RASSF3: variants seen among roughly 807,000 people sequenced by gnomAD.
The protein encoded by RASSF3 is Ras association domain family member 3.
In RASSF3, 19 loss-of-function variants were observed where a neutral mutation model predicts 19.9. The observed-to-expected ratio is 0.96, with a 90% CI of 0.67 to 1.40. RASSF3 has a LOEUF of 1.40. RASSF3 is among the 40% of genes most tolerant of loss of function. The pLI, the probability that RASSF3 is intolerant of heterozygous loss-of-function variation, is 0.00. For synonymous variants in RASSF3, 110 were observed against 104.2 expected, an observed-to-expected ratio of 1.06 and a Z score of -0.34; for missense variants, 306 against 289.8, an observed-to-expected ratio of 1.06 and a Z score of -0.41.
At chr12:64,671,632 C>T (rs866962235) in intron 1 of RASSF3, among the ~76,000 whole-genome samples, 24 of 152,182 alleles carry the variant, frequency 1.6e-4, no homozygotes, top group African/African-American at 4.1e-4. Flanking sequence ...TTAATAACTC[C>T]GGAGGACTTT....
chr12:64,528,812 C>T (rs559258425), upstream of RASSF3, among the ~76,000 whole-genome samples: 3 of 152,308 alleles, frequency 2.0e-5, no homozygotes, highest in East Asian at 1.9e-4. Context: ...AGCTGTGACT[C>T]GCAGTGACTG....
At chr12:64,687,153 C>G (rs1339532475) in intron 2 of RASSF3, among the ~76,000 whole-genome samples, 1 of 151,872 alleles carries the variant, frequency 6.6e-6, no homozygotes, top group Non-Finnish European at 1.5e-5. Context: ...GCCACCACAC[C>G]CAGCTAATTT....
intron 1 of RASSF3, among the ~76,000 whole-genome samples, chr12:64,657,664 G>A (rs1872208536): frequency 6.6e-6 from 1 of 152,186 alleles, no homozygotes; most frequent in Non-Finnish European, 1.5e-5. Context: ...GTCACCCATG[G>A]AGCATCTCTT....
intron 2 of RASSF3, among the ~76,000 whole-genome samples, chr12:64,558,335 G>A (rs1318200733): frequency 6.6e-6 from 1 of 152,156 alleles, no homozygotes; most frequent in South Asian, 2.1e-4. Context: ...AAGTCATTTT[G>A]CCTACTTGGT....
intron 2 of RASSF3, among the ~76,000 whole-genome samples, chr12:64,571,505 T>A (rs1592404360): frequency 6.6e-6 from 1 of 152,172 alleles, no homozygotes; most frequent in South Asian, 2.1e-4. Context: ...TGTCTGGAGA[T>A]GTGCTGGGCT....
downstream of RASSF3, chr12:64,541,771 A>G: frequency 1.0e-5 from 4 of 397,956 alleles, no homozygotes; most frequent in Non-Finnish European, 1.8e-5. Context: ...TACCCCATAG[A>G]ATGGTCTTTT....
intron 1 of RASSF3, among the ~76,000 whole-genome samples, chr12:64,683,325 C>T (rs1386544352): frequency 6.6e-6 from 1 of 152,276 alleles, no homozygotes; most frequent in African/African-American, 2.4e-5. Context: ...ATCAGGGTGA[C>T]AAAATGCTGT....
At chr12:64,692,497 C>T (rs1239810725) in intron 4 of RASSF3, among the ~76,000 whole-genome samples, 2 of 152,120 alleles carry the variant, frequency 1.3e-5, no homozygotes, top group African/African-American at 4.8e-5. Context: ...AGTGGTTTTA[C>T]ATGTTTTTGA....
intron 1 of RASSF3, among the ~76,000 whole-genome samples, chr12:64,617,471 G>T (rs1305922580): frequency 6.6e-6 from 1 of 152,176 alleles, no homozygotes; most frequent in Non-Finnish European, 1.5e-5. Flanking sequence ...TTTCCCTAAA[G>T]AGCTTGCTCC....
chr12:64,621,563 C>T (rs779322396), intron 1 of RASSF3, among the ~76,000 whole-genome samples: 3 of 152,042 alleles, frequency 2.0e-5, no homozygotes, highest in African/African-American at 7.2e-5. Flanking sequence ...CTGCAACCTC[C>T]GCCTCCCAGG....
intron 1 of RASSF3, chr12:64,507,585 G>T (rs1031728935): frequency 3.5e-6 from 1 of 289,128 alleles, no homozygotes; most frequent in African/African-American, 2.2e-5. Context: ...TTTTGATTCC[G>T]AAAAGTTGAC....
chr12:64,536,481 C>T (rs1037621980), intron 1 of RASSF3, among the ~76,000 whole-genome samples: 1 of 152,088 alleles, frequency 6.6e-6, no homozygotes, highest in African/African-American at 2.4e-5. Context: ...TACTGTTGAC[C>T]AGCACACAGC....
In RASSF3 at chr12:64,653,569, C is replaced by CTTT. The variant is rs553892821; in HGVS notation, c.112-31207_112-31205dup. Among the ~76,000 whole-genome samples, 311 of 145,966 alleles carry CTTT rather than the reference C, an allele frequency of 2.1e-3. 1 individual carries two copies. The highest frequency in any genetic ancestry group is 7.4e-3 in the African/African-American group (295 of 40,038). ...GACACAAATCAATATTCAGCAGTATCTTTTTTTTTTTTTGAGACTGAGTCT... is the reference window on the plus strand; with the variant it reads ...GACACAAATCAATATTCAGCAGTATCTTTTTTTTTTTTTTTTGAGACTGAGTCT... On this transcript the variant is annotated intron_variant, in intron 1 of 4. Coordinates refer to ENST00000542104, the MANE Select transcript of RASSF3 (RefSeq NM_178169.4).
chr12:64,544,123 CCT>C (rs536045065), downstream of RASSF3, among the ~76,000 whole-genome samples: 2 of 152,132 alleles, frequency 1.3e-5, no homozygotes, highest in African/African-American at 2.4e-5. Context: ...TGCAATAAAT[CCT>C]GGTACTGCTC....
At chr12:64,680,690 T>C (rs2136215643) in intron 1 of RASSF3, among the ~76,000 whole-genome samples, 1 of 152,150 alleles carries the variant, frequency 6.6e-6, no homozygotes, top group South Asian at 2.1e-4. Flanking sequence ...CTCGGCTTAC[T>C]GCGATCTCCG....
chr12:64,532,772 T>C (rs73315574), upstream of RASSF3, among the ~76,000 whole-genome samples: 3,757 of 151,814 alleles, frequency 0.025, 149 homozygotes, highest in African/African-American at 0.086. Flanking sequence ...GAGATCAAGA[T>C]TGCAGTGAGC....
intron 2 of RASSF3, among the ~76,000 whole-genome samples, chr12:64,686,333 G>C (rs1873349931): frequency 6.6e-6 from 1 of 152,176 alleles, no homozygotes; most frequent in Non-Finnish European, 1.5e-5. Context: ...TTGAAGTCAA[G>C]AGTTCGACGG....
chr12:64,598,042 G>A (rs1020669345), intron 2 of RASSF3, among the ~76,000 whole-genome samples: 6 of 151,820 alleles, frequency 4.0e-5, no homozygotes, highest in East Asian at 1.9e-4. Flanking sequence ...CACACCTCCC[G>A]AGTAGCTGGG....
intron 1 of RASSF3, 28 bp downstream of exon 1, chr12:64,610,771 C>T (rs752909575): frequency 1.3e-6 from 2 of 1,488,198 alleles, no homozygotes; most frequent in South Asian, 1.2e-5. Flanking sequence ...GGCGCTGCAG[C>T]CCGCGCCCCA....
Sources: allele counts gnomAD v4.1 joint callset (sites outside exome capture counted in the v4.1 genomes callset), GRCh38; gene constraint gnomAD v4.1.1; transcripts MANE v1.5; gene names NCBI Gene and HGNC (gene_info 2026-07-23, HGNC 2026-07-21).